Variants in TEX9 observed in about 807,000 individuals in gnomAD.
TEX9 encodes testis-expressed protein 9.
Under a neutral mutation model 59.6 loss-of-function variants are expected in TEX9, and 74 were observed. The observed-to-expected ratio is 1.24, with a 90% CI of 1.03 to 1.51. The LOEUF is 1.51. Ranked by LOEUF, TEX9 falls within the 40% of genes most tolerant of loss-of-function variation. TEX9 has a pLI of 0.00. For missense variants in TEX9, 522 were observed against 447.8 expected, an observed-to-expected ratio of 1.17 and a Z score of -1.49; for synonymous variants, 186 against 152.2, an observed-to-expected ratio of 1.22 and a Z score of -1.64.
intron 9 of TEX9, among the ~76,000 whole-genome samples, chr15:56,403,156 A>G (rs2048885801): frequency 6.6e-6 from 1 of 152,258 alleles, no homozygotes; most frequent in South Asian, 2.1e-4. Context: ...AAGAGAAAGC[A>G]ATAAAGGGTA....
intron 9 of TEX9, among the ~76,000 whole-genome samples, chr15:56,401,308 C>CAAAAAAAAAAAAAAA (rs1207055803): frequency 6.2e-4 from 29 of 46,776 alleles, no homozygotes; most frequent in South Asian, 1.7e-3. Flanking sequence ...AAATTGAAAG[C>CAAAAAAAAAAAAAAA]AAAAAAAAAA....
At chr15:56,318,090 T>TAAC (rs2045820185) in intron 1 of TEX9, among the ~76,000 whole-genome samples, 1 of 152,144 alleles carries the variant, frequency 6.6e-6, no homozygotes, top group Non-Finnish European at 1.5e-5. Flanking sequence ...AAATCTCTCT[T>TAAC]ATTGTTGAAT....
intron 1 of TEX9, among the ~76,000 whole-genome samples, chr15:56,272,363 A>G (rs574501166): frequency 6.6e-5 from 10 of 152,298 alleles, no homozygotes; most frequent in Non-Finnish European, 1.3e-4. Context: ...TATAAATGCA[A>G]TGTACAACAT....
intron 1 of TEX9, among the ~76,000 whole-genome samples, chr15:56,357,928 T>G (rs755783461): frequency 6.6e-6 from 1 of 152,182 alleles, no homozygotes; most frequent in African/African-American, 2.4e-5. Context: ...ATTTTGCACT[T>G]ATGGTGACTT....
At chr15:56,371,086 A>G (rs1189900321) in intron 2 of TEX9, among the ~76,000 whole-genome samples, 2 of 152,100 alleles carry the variant, frequency 1.3e-5, no homozygotes, top group African/African-American at 4.8e-5. Context: ...CCTGGCCTCA[A>G]GTGATCCTCC....
intron 1 of TEX9, among the ~76,000 whole-genome samples, chr15:56,350,134 G>A (rs1258525730): frequency 6.6e-6 from 1 of 152,046 alleles, no homozygotes; most frequent in Non-Finnish European, 1.5e-5. Context: ...AGGCACCCTA[G>A]TTTATTTGTT....
intron 3 of TEX9, among the ~76,000 whole-genome samples, chr15:56,374,960 T>G (rs2047364925): frequency 6.6e-6 from 1 of 152,184 alleles, no homozygotes; most frequent in Non-Finnish European, 1.5e-5. Context: ...TAGTGGACAC[T>G]TTGGTTGCTT....
intron 1 of TEX9, among the ~76,000 whole-genome samples, chr15:56,357,212 T>A (rs1427243611): frequency 1.3e-5 from 2 of 152,186 alleles, no homozygotes; most frequent in African/African-American, 2.4e-5. Context: ...TAACCAAGCA[T>A]GCTTGATCCA....
chr15:56,451,255 G>A, the TEX9 span, among the ~76,000 whole-genome samples: 1 of 152,168 alleles, frequency 6.6e-6, no homozygotes, highest in African/African-American at 2.4e-5. Flanking sequence ...AACAATTTGT[G>A]AATAAGATCT....
At chr15:56,360,291 T>A (rs1404771119) in intron 1 of TEX9, among the ~76,000 whole-genome samples, 1 of 152,192 alleles carries the variant, frequency 6.6e-6, no homozygotes. Flanking sequence ...CAAAAAAGAT[T>A]ATGTAGAATT....
chr15:56,315,080 G>C (rs544474966), intron 1 of TEX9, among the ~76,000 whole-genome samples: 3 of 151,348 alleles, frequency 2.0e-5, no homozygotes, highest in Non-Finnish European at 2.9e-5. Context: ...ATACAGCACA[G>C]TGATGGGTCT....
chr15:56,335,878 CTT>C lies in TEX9; in HGVS notation c.-106-37562_-106-37561del, dbSNP rs533014810. ...TTTTCTTCATAGTTTAGAAATATGACTTATATAAGTTTAAATGCAAAATATTA... is the reference window on the plus strand; with the variant it reads ...TTTTCTTCATAGTTTAGAAATATGACATATAAGTTTAAATGCAAAATATTA... On this transcript the variant is annotated intron_variant, in intron 1 of 5. Transcript: ENST00000560827. 1.1e-3 allele frequency among the ~76,000 whole-genome samples: 162 copies of C among 152,120 alleles called. 1 individual carries two copies. The highest frequency in any genetic ancestry group is 3.9e-3 in the Admixed American group (59 of 15,272).
intron 1 of TEX9, among the ~76,000 whole-genome samples, chr15:56,293,560 G>A (rs1208984072): frequency 2.0e-5 from 3 of 152,138 alleles, no homozygotes; most frequent in Non-Finnish European, 4.4e-5. Flanking sequence ...GTTCTGGGGT[G>A]GGGGGTGTAG....
chr15:56,436,324 A>G (rs891869120), intron 12 of TEX9, among the ~76,000 whole-genome samples: 1 of 152,224 alleles, frequency 6.6e-6, no homozygotes, highest in Non-Finnish European at 1.5e-5. Flanking sequence ...GCTCAGCTAC[A>G]TGGAAAGTGA....
At chr15:56,263,381 G>T (rs8041422) in intron 1 of TEX9, among the ~76,000 whole-genome samples, 55,792 of 151,980 alleles carry the variant, frequency 0.37, 10,547 homozygotes, top group Middle Eastern at 0.52. Flanking sequence ...GGTGTGCTTA[G>T]TCCGTTCATA....
At chr15:56,326,690 A>G (rs2046026383) in intron 1 of TEX9, among the ~76,000 whole-genome samples, 1 of 152,218 alleles carries the variant, frequency 6.6e-6, no homozygotes, top group South Asian at 2.1e-4. Flanking sequence ...GGGCAACTGG[A>G]GAAAAATCTC....
At chr15:56,460,009 A>AAAAAAAAAAATATATATATATAT in the TEX9 span, among the ~76,000 whole-genome samples, 16 of 26,384 alleles carry the variant, frequency 6.1e-4, 4 homozygotes, top group East Asian at 1.1e-3. Context: ...AAAAAAAAAA[A>AAAAAAAAAAATATATATATATAT]ATACATATAT....
chr15:56,450,604 G>A (rs1166595482), downstream of TEX9, among the ~76,000 whole-genome samples: 1 of 151,730 alleles, frequency 6.6e-6, no homozygotes, highest in African/African-American at 2.4e-5. Context: ...TTTTATAACT[G>A]AAGGATATTG....
chr15:56,345,280 T>A (rs991287081), intron 1 of TEX9, among the ~76,000 whole-genome samples: 3 of 151,820 alleles, frequency 2.0e-5, no homozygotes, highest in Admixed American at 6.6e-5. Flanking sequence ...GAATGGACAA[T>A]TTTCATGAAG....
Sources: gnomAD v4.1 joint callset for allele counts (sites outside exome capture counted in the v4.1 genomes callset) on GRCh38, gnomAD v4.1.1 for gene constraint, MANE v1.5 for transcripts, NCBI Gene and HGNC (gene_info 2026-07-23, HGNC 2026-07-21) for gene names.